The following XKR9 variants were observed in gnomAD, a reference collection of about 807,000 sequenced individuals.
XKR9 encodes the protein XK-related protein 9.
A neutral mutation model predicts 32.0 loss-of-function variants in XKR9; 32 were observed. The observed-to-expected ratio is 1.00, with a 90% CI of 0.76 to 1.34. The LOEUF is 1.34. Among genes scored for constraint, XKR9 ranks in the 40% most tolerant of loss-of-function variants. The probability of loss-of-function intolerance (pLI) is 0.00; values close to 1 mark genes in which losing one functional copy is unlikely to be tolerated. For synonymous variants in XKR9, 168 were observed against 143.4 expected, an observed-to-expected ratio of 1.17 and a Z score of -1.22; for missense variants, 546 against 429.7, an observed-to-expected ratio of 1.27 and a Z score of -2.39.
At chr8:70,955,090 TTC>T in the XKR9 span, among the ~76,000 whole-genome samples, 1 of 152,230 alleles carries the variant, frequency 6.6e-6, no homozygotes, top group Non-Finnish European at 1.5e-5. Context: ...ATTAAGAAAC[TTC>T]TGTTTCAATT....
At chr8:70,951,457 T>C in the XKR9 span, among the ~76,000 whole-genome samples, 1 of 152,242 alleles carries the variant, frequency 6.6e-6, no homozygotes, top group African/African-American at 2.4e-5. Flanking sequence ...GCCTGGCCAC[T>C]CCTCAGCAGA....
chr8:70,771,199 G>A (rs1393357041), intron 2 of XKR9, among the ~76,000 whole-genome samples: 1 of 152,098 alleles, frequency 6.6e-6, no homozygotes, highest in Non-Finnish European at 1.5e-5. Context: ...TCCCTAGTGA[G>A]GCAACACCCC....
chr8:70,988,600 T>C, the XKR9 span, among the ~76,000 whole-genome samples: 2 of 152,184 alleles, frequency 1.3e-5, no homozygotes, highest in Non-Finnish European at 2.9e-5. Context: ...TTTTCCTCCA[T>C]GTGAGCCTCA....
intron 2 of XKR9, among the ~76,000 whole-genome samples, chr8:70,783,062 GTT>G: frequency 6.6e-6 from 1 of 152,064 alleles, no homozygotes; most frequent in Non-Finnish European, 1.5e-5. Flanking sequence ...ACCACCAAGG[GTT>G]CCCTTTTTGT....
At chr8:70,885,414 T>A in the XKR9 span, among the ~76,000 whole-genome samples, 1 of 152,182 alleles carries the variant, frequency 6.6e-6, no homozygotes, top group African/African-American at 2.4e-5. Context: ...TTTTTTAAAA[T>A]TTTACTTTAA....
intron 2 of XKR9, among the ~76,000 whole-genome samples, chr8:70,772,911 A>G (rs1807471984): frequency 6.6e-6 from 1 of 152,212 alleles, no homozygotes; most frequent in Non-Finnish European, 1.5e-5. Flanking sequence ...AGGATAAAGC[A>G]TTGTTGGTTT....
chr8:70,923,563 G>C, the XKR9 span, among the ~76,000 whole-genome samples: 4 of 152,214 alleles, frequency 2.6e-5, no homozygotes, highest in East Asian at 7.7e-4. Flanking sequence ...CTAGCAAGGG[G>C]TTCACATGGT....
At chr8:70,825,486 A>C in the XKR9 span, among the ~76,000 whole-genome samples, 2 of 152,138 alleles carry the variant, frequency 1.3e-5, no homozygotes, top group Non-Finnish European at 2.9e-5. Context: ...CTTATTACTC[A>C]TACAATTCTC....
chr8:70,828,810 A>G, the XKR9 span, among the ~76,000 whole-genome samples: 1 of 152,206 alleles, frequency 6.6e-6, no homozygotes, highest in African/African-American at 2.4e-5. Flanking sequence ...ATGAAGGTTA[A>G]GTTATCCCAA....
the XKR9 span, among the ~76,000 whole-genome samples, chr8:70,894,599 C>T: frequency 1.3e-5 from 2 of 152,238 alleles, no homozygotes; most frequent in South Asian, 2.1e-4. Flanking sequence ...GGCCCAGGCA[C>T]CATTTCCCTG....
intron 2 of XKR9, among the ~76,000 whole-genome samples, chr8:70,743,170 G>C (rs1198579029): frequency 1.3e-5 from 2 of 151,890 alleles, no homozygotes; most frequent in African/African-American, 2.4e-5. Flanking sequence ...TCAATCTACT[G>C]TTAAGTTCAT....
chr8:70,936,852 G>A, the XKR9 span, among the ~76,000 whole-genome samples: 2 of 151,926 alleles, frequency 1.3e-5, no homozygotes, highest in African/African-American at 4.8e-5. Flanking sequence ...TAAATTGCAT[G>A]CATTTAGGAT....
the XKR9 span, among the ~76,000 whole-genome samples, chr8:70,883,048 T>G: frequency 6.6e-6 from 1 of 151,828 alleles, no homozygotes; most frequent in Non-Finnish European, 1.5e-5. Context: ...TCTATAATGG[T>G]GAATTCTGAA....
intron 2 of XKR9, among the ~76,000 whole-genome samples, chr8:70,782,849 A>G (rs1252622354): frequency 6.6e-6 from 1 of 152,152 alleles, no homozygotes; most frequent in Non-Finnish European, 1.5e-5. Flanking sequence ...ACTTGATTCC[A>G]TAACTTGGCT....
intron 3 of XKR9, among the ~76,000 whole-genome samples, chr8:70,686,060 T>C (rs1819266087): frequency 6.6e-6 from 1 of 152,024 alleles, no homozygotes; most frequent in Non-Finnish European, 1.5e-5. Flanking sequence ...CTTTGAAGAA[T>C]CTATTTTAAC....
At chr8:70,978,028 A>G in the XKR9 span, among the ~76,000 whole-genome samples, 392 of 152,218 alleles carry the variant, frequency 2.6e-3, 4 homozygotes, top group African/African-American at 8.9e-3. Flanking sequence ...TTGGTTCAAA[A>G]TCTGTTTTAT....
At chr8:70,826,903 T>A in the XKR9 span, among the ~76,000 whole-genome samples, 3 of 152,162 alleles carry the variant, frequency 2.0e-5, no homozygotes, top group African/African-American at 7.2e-5. Flanking sequence ...CTTGAGGTTA[T>A]GTTTGAAGAC....
intron 2 of XKR9, among the ~76,000 whole-genome samples, chr8:70,747,900 T>G (rs1586881146): frequency 6.6e-6 from 1 of 152,198 alleles, no homozygotes; most frequent in Non-Finnish European, 1.5e-5. Context: ...TATTTAATAA[T>G]AATAATGTCT....
chr8:70,690,412 C>T (rs1044550779), intron 3 of XKR9, among the ~76,000 whole-genome samples: 4 of 152,080 alleles, frequency 2.6e-5, no homozygotes, highest in Admixed American at 6.6e-5. Context: ...TCACTGCAAC[C>T]TCCGCCTCCC....
Sources: allele counts gnomAD v4.1 joint callset (sites outside exome capture counted in the v4.1 genomes callset), GRCh38; gene constraint gnomAD v4.1.1; transcripts MANE v1.5; gene names NCBI Gene and HGNC (gene_info 2026-07-23, HGNC 2026-07-21).